Variants in BRPF3 observed in about 807,000 individuals in gnomAD.
The protein encoded by BRPF3 is bromodomain and PHD finger containing 3.
In BRPF3, 18 loss-of-function variants were observed where a neutral mutation model predicts 102.0. The observed-to-expected ratio is 0.18, with a 90% CI of 0.12 to 0.26. The LOEUF is 0.26. BRPF3 is among the 10% of genes least tolerant of loss of function. BRPF3 has a pLI of 1.00. For synonymous variants in BRPF3, 570 were observed against 614.2 expected, an observed-to-expected ratio of 0.93 and a Z score of 1.06; for missense variants, 1,147 against 1,567.8, an observed-to-expected ratio of 0.73 and a Z score of 4.53.
intron 9 of BRPF3, among the ~76,000 whole-genome samples, chr6:36,221,780 A>G (rs1013234313): frequency 6.6e-6 from 1 of 152,216 alleles, no homozygotes; most frequent in African/African-American, 2.4e-5. Flanking sequence ...GTTTCTAAAG[A>G]AAAGCGATGT....
chr6:36,227,774 C>G (rs1465128392), intron 11 of BRPF3, among the ~76,000 whole-genome samples: 1 of 152,194 alleles, frequency 6.6e-6, no homozygotes, highest in African/African-American at 2.4e-5. Context: ...TCAAATTACA[C>G]ACCTGGTGGG....
chr6:36,220,151 T>C (rs1312900687), intron 9 of BRPF3, among the ~76,000 whole-genome samples: 2 of 152,178 alleles, frequency 1.3e-5, no homozygotes, highest in Admixed American at 6.5e-5. Flanking sequence ...CAGGCCATGA[T>C]TGAGTCAGTT....
In BRPF3 at chr6:36,230,878, G is replaced by A. The variant is rs538483545; in HGVS notation, c.*269G>A. ...CAGTTAGAAGTAGAAACAGCTGTGG[G>A]GCTTGGGCCCAGCTTAGGAGATTGC... On this transcript the variant is annotated 3_prime_UTR_variant, in exon 13 of 13. Coordinates refer to ENST00000357641, the MANE Select transcript of BRPF3 (RefSeq NM_015695.3). The surrounding 1 kb of genome is among the most constrained non-coding windows in gnomAD (Gnocchi z 5.4). The A allele has an allele frequency of 2.2e-6, 1 of 460,404 alleles. No individual in the cohort carries two copies. The highest frequency in any genetic ancestry group is 2.0e-5 in the African/African-American group (1 of 50,792). 28.5% of individuals were successfully genotyped at this position (460,404 alleles called of 1,614,324 possible). A position where few individuals can be genotyped will look rare whatever the true frequency, so the allele number is the denominator to read the frequency against.
In BRPF3 at chr6:36,211,243, C is replaced by T. The variant is rs1180672045; in HGVS notation, c.2180-15C>T. The T allele has an allele frequency of 6.2e-7, 1 of 1,609,646 alleles. No individual in the cohort carries two copies. Among genetic ancestry groups the T allele is most frequent in the South Asian group, 1.1e-5 (1 of 90,680 alleles). The stretch of plus-strand genomic sequence containing the variant: ...AGGTCCTTCAGCCCCTTCTGTCCTC[C>T]CTTCTCCCTGGCAGTGGACAACATC... On this transcript the variant is annotated splice_polypyrimidine_tract_variant and intron_variant, in intron 6 of 12. Transcript: ENST00000357641.
chr6:36,211,655 A>AGATCT (rs1201106011), intron 7 of BRPF3, 95 bp downstream of exon 7: 1 of 1,422,864 alleles, frequency 7.0e-7, no homozygotes, highest in Non-Finnish European at 9.4e-7. Flanking sequence ...TTCTGAGTTT[A>AGATCT]GATCTGACAC....
At chr6:36,212,572 GAAAA>G (rs1013260246) in intron 7 of BRPF3, among the ~76,000 whole-genome samples, 4 of 44,958 alleles carry the variant, frequency 8.9e-5, no homozygotes, top group South Asian at 7.0e-4. Flanking sequence ...GCATCACCTA[GAAAA>G]AAAAAAAAAA....
chr6:36,201,491 G>A lies in BRPF3; in HGVS notation c.1169G>A (p.Gly390Asp). 3.1e-6 allele frequency: 5 copies of A among 1,614,212 alleles called. No individual in the cohort carries two copies. The highest frequency in any genetic ancestry group is 2.5e-6 in the Non-Finnish European group (3 of 1,180,044). Residue 390 changes from glycine (G) to aspartate (D), a missense_variant, in exon 2 of 13, where the codon GGT becomes GAT. Gly to Asp is a moderately conservative substitution (Grantham distance 94, BLOSUM62 -1). Around this residue, in one of 11 missense-constraint regions of BRPF3, gnomAD observed 157 missense variants for 163.6 expected, o/e 0.96. Transcript: ENST00000357641. This position sits in a 1 kb window ranked among gnomAD's most constrained non-coding sequence, Gnocchi z 5.1. ...TACTGTGAGGCCCACTCGCCACCAG[G>A]TGCGGCCACTGCTAGGAGGAAGGGC... ...TAYCEAHSPP[G>D]AATARRKGDS...
chr6:36,210,149 T>G lies in BRPF3; in HGVS notation c.1867-67T>G. 1 of 1,568,846 alleles carries G rather than the reference T, an allele frequency of 6.4e-7. No individual in the cohort carries two copies. Among genetic ancestry groups the G allele is most frequent in the African/African-American group, 1.4e-5 (1 of 74,052 alleles). On this transcript the variant is annotated intron_variant, in intron 5 of 12. Transcript: ENST00000357641. This position sits in a 1 kb window ranked among gnomAD's most constrained non-coding sequence, Gnocchi z 4.7. Reference sequence around the variant, plus strand: ...TCAGAAATTGAGGAGGCCAAGAGTATTGGTGAAGGGTGTGTCTGTTTGGCT... The same window carrying G: ...TCAGAAATTGAGGAGGCCAAGAGTAGTGGTGAAGGGTGTGTCTGTTTGGCT...
At position 36,201,878 on chromosome 6, in the gene BRPF3, C is replaced by T; in HGVS notation, c.1448+108C>T. The T allele has an allele frequency of 3.4e-6, 5 of 1,451,822 alleles. No individual in the cohort carries two copies. Among genetic ancestry groups the T allele is most frequent in the Non-Finnish European group, 4.6e-6 (5 of 1,088,426 alleles). 89.9% of individuals were successfully genotyped at this position (1,451,822 alleles called of 1,614,324 possible). A position where few individuals can be genotyped will look rare whatever the true frequency, so the allele number is the denominator to read the frequency against. ...CACAGTTGGACACTATATCCTCCTC[C>T]CCGAATTTAAACTCTTCCTTTTGAC... On this transcript the variant is annotated intron_variant, in intron 2 of 12. Coordinates refer to ENST00000357641, the MANE Select transcript of BRPF3 (RefSeq NM_015695.3). This position sits in a 1 kb window ranked among gnomAD's most constrained non-coding sequence, Gnocchi z 5.1.
chr6:36,207,225 T>C (rs1767936206), intron 3 of BRPF3, 88 bp from the exon 4 acceptor site: 2 of 1,531,780 alleles, frequency 1.3e-6, no homozygotes, highest in South Asian at 1.3e-5. Context: ...GACAAGACTT[T>C]TACCTGCTGC....
At chr6:36,218,034 T>C in intron 9 of BRPF3, 24 bp downstream of exon 9, 1 of 1,596,052 alleles carries the variant, frequency 6.3e-7, no homozygotes, top group Non-Finnish European at 8.6e-7. Flanking sequence ...CCCAAAGCTT[T>C]GTCAGCAGCT....
At chr6:36,205,824 G>A (rs1767885858) in intron 3 of BRPF3, among the ~76,000 whole-genome samples, 1 of 152,146 alleles carries the variant, frequency 6.6e-6, no homozygotes, top group Admixed American at 6.5e-5. Flanking sequence ...CAGACTTTTT[G>A]TCTTGTCCTC....
intron 11 of BRPF3, among the ~76,000 whole-genome samples, chr6:36,226,486 A>G (rs1768744047): frequency 6.6e-6 from 1 of 152,186 alleles, no homozygotes; most frequent in Non-Finnish European, 1.5e-5. Context: ...ACCCATATCA[A>G]GTCACCTCCA....
chr6:36,219,480 T>C (rs1768455925), intron 9 of BRPF3, among the ~76,000 whole-genome samples: 1 of 152,168 alleles, frequency 6.6e-6, no homozygotes, highest in African/African-American at 2.4e-5. Context: ...CATCAAACTA[T>C]CCTTTTCTTG....
At chr6:36,204,512 C>T in intron 2 of BRPF3, 146 bp from the exon 3 acceptor site, 1 of 848,104 alleles carries the variant, frequency 1.2e-6, no homozygotes, top group Admixed American at 2.1e-5. Context: ...CCTTTTCAAG[C>T]CTTTCTCTGA....
chr6:36,212,974 A>G (rs1768187607), intron 7 of BRPF3, among the ~76,000 whole-genome samples: 1 of 152,048 alleles, frequency 6.6e-6, no homozygotes, highest in Admixed American at 6.5e-5. Context: ...AAAAAAAAAA[A>G]GTTTCAAGGT....
chr6:36,228,829 G>T, intron 11 of BRPF3, 73 bp from the exon 12 acceptor site: 1 of 1,563,236 alleles, frequency 6.4e-7, no homozygotes, highest in East Asian at 2.2e-5. Context: ...TGCTTCAGCA[G>T]TTGGTCCTGC....
rs1038543470 is a variant in BRPF3, at chr6:36,232,771, A to G, written c.*2162A>G. The G allele has an allele frequency of 6.6e-6, 1 of 152,388 alleles. No homozygotes were observed. Among genetic ancestry groups the G allele is most frequent in the African/African-American group, 2.4e-5 (1 of 41,462 alleles). The allele number at this position is 152,388 out of a possible 1,614,324, so 9.4% of individuals were successfully genotyped here. On this transcript the variant is annotated 3_prime_UTR_variant, in exon 13 of 13. Transcript: ENST00000357641. Reference sequence around the variant, plus strand: ...GAAACTTATTTTCTCTCTGAGAAATAAATGTTCTAATGGGCAGTAGTTGCT... The same window carrying G: ...GAAACTTATTTTCTCTCTGAGAAATGAATGTTCTAATGGGCAGTAGTTGCT...
chr6:36,210,650 G>A lies in BRPF3; in HGVS notation c.2179+122G>A, dbSNP rs906754605. 1 of 858,338 alleles carries A rather than the reference G, an allele frequency of 1.2e-6. No individual in the cohort carries two copies. The highest frequency in any genetic ancestry group is 1.7e-5 in the African/African-American group (1 of 58,790). The allele number at this position is 858,338 out of a possible 1,614,324, so 53.2% of individuals were successfully genotyped here. A position where few individuals can be genotyped will look rare whatever the true frequency, so the allele number is the denominator to read the frequency against. ...GGTAGACTCCAGGAGCAAAGCTGAG[G>A]GTGAGCACAGACTGAGGTATACCTT... On this transcript the variant is annotated intron_variant, in intron 6 of 12. Coordinates refer to ENST00000357641, the MANE Select transcript of BRPF3 (RefSeq NM_015695.3). This position sits in a 1 kb window ranked among gnomAD's most constrained non-coding sequence, Gnocchi z 4.7.
Sources: allele counts gnomAD v4.1 joint callset (sites outside exome capture counted in the v4.1 genomes callset), GRCh38; gene constraint gnomAD v4.1.1; regional missense constraint gnomAD v4.1.1; non-coding constraint Gnocchi (gnomAD v3.1); transcripts MANE v1.5; gene names NCBI Gene and HGNC (gene_info 2026-07-23, HGNC 2026-07-21).